COL11A1: variants seen among roughly 807,000 people sequenced by gnomAD.
COL11A1 encodes collagen type XI alpha 1 chain.
A neutral mutation model predicts 265.2 loss-of-function variants in COL11A1; 74 were observed. The observed-to-expected ratio is 0.28, with a 90% confidence interval of 0.23 to 0.34. COL11A1 has a LOEUF of 0.34. Ranked by LOEUF, COL11A1 falls within the 10% of genes least tolerant of loss-of-function variation. The pLI, the probability that COL11A1 is intolerant of heterozygous loss-of-function variation, is 1.00. For missense variants in COL11A1, 2,165 were observed against 2,263.6 expected (o/e 0.96, Z 0.88); for synonymous variants, 816 against 727.6 (o/e 1.12, Z -1.96).
intron 63 of COL11A1, among the ~76,000 whole-genome samples, chr1:102,883,729 T>C (rs1650565774): frequency 6.6e-6 from 1 of 152,158 alleles, no homozygotes; most frequent in Non-Finnish European, 1.5e-5. Flanking sequence ...TATATTTTCT[T>C]CCTAGTTTAT....
chr1:102,945,256 C>CTCTT (rs1281983818), intron 42 of COL11A1, among the ~76,000 whole-genome samples: 21 of 95,548 alleles, frequency 2.2e-4, no homozygotes, highest in Middle Eastern at 0.014. Flanking sequence ...TACTCTCTCT[C>CTCTT]TCTCTCTCTC....
intron 36 of COL11A1, 64 bp downstream of exon 36, chr1:102,974,766 C>G: frequency 8.3e-7 from 1 of 1,202,854 alleles, no homozygotes; most frequent in Non-Finnish European, 1.2e-6. Flanking sequence ...TAAATGTAAG[C>G]TGTGACTCTC....
At chr1:102,932,321 G>C (rs1461134282) in intron 46 of COL11A1, among the ~76,000 whole-genome samples, 1 of 152,082 alleles carries the variant, frequency 6.6e-6, no homozygotes. Context: ...TTGCTTGTCT[G>C]TAAAGGATTT....
At chr1:102,906,030 A>G (rs1653940296) in intron 54 of COL11A1, among the ~76,000 whole-genome samples, 1 of 152,178 alleles carries the variant, frequency 6.6e-6, no homozygotes, top group South Asian at 2.1e-4. Context: ...TTATTTAATA[A>G]TAGGTTTATT....
chr1:102,919,357 A>T (rs895533490), intron 49 of COL11A1, among the ~76,000 whole-genome samples: 22 of 151,682 alleles, frequency 1.5e-4, no homozygotes, highest in African/African-American at 4.8e-4. Context: ...ATCTAATCTT[A>T]TTACATTTTT....
At chr1:102,917,078 C>T (rs765810831) in intron 49 of COL11A1, among the ~76,000 whole-genome samples, 1 of 151,054 alleles carries the variant, frequency 6.6e-6, no homozygotes, top group African/African-American at 2.4e-5. Flanking sequence ...CACAGGAAAC[C>T]AAAAAAAGAG....
At chr1:103,030,448 A>G (rs1667888601) in intron 5 of COL11A1, among the ~76,000 whole-genome samples, 1 of 152,080 alleles carries the variant, frequency 6.6e-6, no homozygotes, top group African/African-American at 2.4e-5. Flanking sequence ...ACCTAATAGT[A>G]CATTTAAAAG....
At chr1:103,012,354 C>A (rs557908278) in intron 14 of COL11A1, 59 bp downstream of exon 14, 2 of 1,280,154 alleles carry the variant, frequency 1.6e-6, no homozygotes, top group South Asian at 2.4e-5. Context: ...GAAGAAGTTG[C>A]ACAGGGAACT....
At chr1:103,008,217 G>T (rs1358166510) in intron 15 of COL11A1, among the ~76,000 whole-genome samples, 1 of 152,078 alleles carries the variant, frequency 6.6e-6, no homozygotes, top group African/African-American at 2.4e-5. Flanking sequence ...TCCCAGTTAA[G>T]CTGCATTTTC....
chr1:103,018,708 C>G, intron 10 of COL11A1, 110 bp downstream of exon 10: 1 of 885,960 alleles, frequency 1.1e-6, no homozygotes, highest in Non-Finnish European at 1.8e-6. Flanking sequence ...ATGTTTTTCT[C>G]TATAATTCAA....
In COL11A1 at chr1:102,888,876, G is replaced by C. The variant is rs528529875; in HGVS notation, c.4508C>G (p.Pro1503Arg). ...TTGTCTTGTACTTACTGGTAAACCT[G>C]GAGGACCAGGTGGACCTAAGGGACC... ...PAGPLGPPGP[P>R]GLPGPQGPKG... Residue 1503 changes from proline to arginine, a missense_variant, in exon 60 of 67, where the codon CCA becomes CGA. Coordinates refer to ENST00000370096, the MANE Select transcript of COL11A1 (RefSeq NM_001854.4). 12 of 1,612,856 alleles carry C rather than the reference G, an allele frequency of 7.4e-6. No homozygotes were observed. In the African/African-American group the frequency reaches 1.6e-4, roughly 22 times the overall value.
At chr1:102,979,593 T>C in intron 31 of COL11A1, 158 bp from the exon 32 acceptor site, 1 of 708,334 alleles carries the variant, frequency 1.4e-6, no homozygotes, top group Non-Finnish European at 2.6e-6. Flanking sequence ...GAAAATGAAC[T>C]TACAATGACA....
intron 65 of COL11A1, 88 bp from the exon 66 acceptor site, chr1:102,880,004 G>A: frequency 2.3e-6 from 2 of 876,962 alleles, no homozygotes; most frequent in Non-Finnish European, 3.7e-6. Flanking sequence ...AGTGAACTGT[G>A]ATGCCAGAAG....
intron 1 of COL11A1, among the ~76,000 whole-genome samples, chr1:103,099,623 A>C (rs1674076449): frequency 6.6e-6 from 1 of 151,738 alleles, no homozygotes; most frequent in Non-Finnish European, 1.5e-5. Flanking sequence ...TTACAGATTG[A>C]TATTATTCTC....
At chr1:103,043,000 T>G (rs1286225534) in intron 4 of COL11A1, among the ~76,000 whole-genome samples, 1 of 142,534 alleles carries the variant, frequency 7.0e-6, no homozygotes, top group Non-Finnish European at 1.5e-5. Context: ...ATATATTAAA[T>G]ACATCATATA....
chr1:103,015,565 C>T (rs1046397307), intron 12 of COL11A1, 103 bp downstream of exon 12: 1 of 890,282 alleles, frequency 1.1e-6, no homozygotes, highest in Non-Finnish European at 1.8e-6. Context: ...CTACCTTGTA[C>T]AATGGTTTTT....
intron 1 of COL11A1, among the ~76,000 whole-genome samples, chr1:103,097,771 G>C (rs1366121522): frequency 6.6e-6 from 1 of 151,948 alleles, no homozygotes; most frequent in African/African-American, 2.4e-5. Flanking sequence ...TGTTGAATAA[G>C]TAAATGAATG....
Position 102,877,718 on chromosome 1 carries a change from T to C in COL11A1, c.*301A>G, listed in dbSNP as rs12731575. ...CACCATATTTTTTATGAATATATAT[T>C]TTTCTTTTTTTGTTTTCTACAGCAC... On this transcript the variant is annotated 3_prime_UTR_variant, in exon 67 of 67. Transcript: ENST00000370096. 16,192 of 312,456 alleles carry C rather than the reference T, an allele frequency of 0.052. 489 individuals carry two copies. The highest frequency in any genetic ancestry group is 0.1 in the Middle Eastern group (98 of 950). 19.4% of individuals were successfully genotyped at this position (312,456 alleles called of 1,614,324 possible).
intron 41 of COL11A1, among the ~76,000 whole-genome samples, chr1:102,948,573 T>C (rs1326426343): frequency 6.6e-6 from 1 of 152,030 alleles, no homozygotes. Flanking sequence ...TGAGTAAGTA[T>C]ATATTCAAAA....
Sources: gnomAD v4.1 joint callset for allele counts (sites outside exome capture counted in the v4.1 genomes callset) on GRCh38, gnomAD v4.1.1 for gene constraint, MANE v1.5 for transcripts, NCBI Gene and HGNC (gene_info 2026-07-23, HGNC 2026-07-21) for gene names.